SBF2: variants seen among roughly 807,000 people sequenced by gnomAD.
SBF2 encodes myotubularin-related protein 13.
SBF2 carries 112 observed loss-of-function variants against 225.2 expected under a neutral mutation model. That is an observed-to-expected ratio of 0.50 (90% CI 0.43 to 0.58). SBF2 has a LOEUF of 0.58. SBF2 is among the 20% of genes least tolerant of loss of function. The pLI, the probability that SBF2 is intolerant of heterozygous loss-of-function variation, is 0.00. For missense variants in SBF2, 1,996 were observed against 2,206.2 expected (o/e 0.90, Z 1.91); for synonymous variants, 763 against 773.3 (o/e 0.99, Z 0.22).
At position 9,842,775 on chromosome 11, in the gene SBF2, A is replaced by C; in HGVS notation, c.3111-5T>G. ...ACAATTGTTTTTGAGAAGGTACTAC[A>C]AGTCATAAAACCAAAGAGAATGTCA... On this transcript the variant is annotated splice_polypyrimidine_tract_variant and splice_region_variant and intron_variant, in intron 24 of 39. Transcript: ENST00000256190. The C allele has an allele frequency of 6.2e-7, 1 of 1,613,990 alleles. No individual in the cohort carries two copies. Among genetic ancestry groups the C allele is most frequent in the Non-Finnish European group, 8.5e-7 (1 of 1,179,912 alleles).
chr11:10,177,969 A>C (rs1339402229), intron 2 of SBF2, among the ~76,000 whole-genome samples: 1 of 148,876 alleles, frequency 6.7e-6, no homozygotes, highest in Non-Finnish European at 1.5e-5. Flanking sequence ...TAACCAAAAC[A>C]GCATGGTACT....
At chr11:10,160,529 A>G (rs1955683980) in intron 2 of SBF2, among the ~76,000 whole-genome samples, 1 of 152,242 alleles carries the variant, frequency 6.6e-6, no homozygotes, top group African/African-American at 2.4e-5. Context: ...TTACGGCAGT[A>G]CATACACCAC....
intron 17 of SBF2, among the ~76,000 whole-genome samples, chr11:9,882,608 A>G (rs1047214713): frequency 1.4e-4 from 21 of 152,152 alleles, no homozygotes; most frequent in Non-Finnish European, 2.4e-4. Flanking sequence ...GGAGATCGAG[A>G]CCATCCTGGC....
At chr11:10,019,051 A>C (rs2134587548) in intron 6 of SBF2, among the ~76,000 whole-genome samples, 1 of 152,262 alleles carries the variant, frequency 6.6e-6, no homozygotes, top group East Asian at 1.9e-4. Context: ...ATAGTTTTAA[A>C]ACGATACCTG....
chr11:9,907,444 C>T (rs1471919186), intron 16 of SBF2, among the ~76,000 whole-genome samples: 1 of 152,204 alleles, frequency 6.6e-6, no homozygotes, highest in Admixed American at 6.5e-5. Flanking sequence ...TTGGTATTTT[C>T]ATATGCATGC....
At chr11:10,125,449 T>C (rs1275748748) in intron 2 of SBF2, among the ~76,000 whole-genome samples, 1 of 152,146 alleles carries the variant, frequency 6.6e-6, no homozygotes, top group East Asian at 1.9e-4. Context: ...ATTTAAGAAT[T>C]TTCAGTTACT....
chr11:9,976,686 GCAAAA>G (rs2134416741), intron 13 of SBF2, among the ~76,000 whole-genome samples: 2 of 152,184 alleles, frequency 1.3e-5, no homozygotes, highest in South Asian at 4.1e-4. Flanking sequence ...TATTGCAGAT[GCAAAA>G]CAAATTACAA....
intron 2 of SBF2, among the ~76,000 whole-genome samples, chr11:10,083,761 A>C (rs1161373144): frequency 6.6e-6 from 1 of 152,196 alleles, no homozygotes; most frequent in Non-Finnish European, 1.5e-5. Flanking sequence ...AAGACCTGAA[A>C]CTATAAAAAA....
chr11:10,072,223 A>G (rs1218623567), intron 2 of SBF2, among the ~76,000 whole-genome samples: 1 of 152,256 alleles, frequency 6.6e-6, no homozygotes, highest in Non-Finnish European at 1.5e-5. Flanking sequence ...TATATCTTAT[A>G]TAGCCTTTAA....
intron 2 of SBF2, among the ~76,000 whole-genome samples, chr11:10,071,766 C>G (rs10840360): frequency 0.47 from 72,061 of 151,936 alleles, 17,401 homozygotes; most frequent in Admixed American, 0.57. Flanking sequence ...TGTGGTTTTT[C>G]TCACTGGGTC....
chr11:9,853,699 C>T lies in SBF2; in HGVS notation c.2377G>A (p.Val793Ile), dbSNP rs1414969138. The stretch of plus-strand genomic sequence containing the variant: ...CTCTCTGTATCATAGCTCTCAGCTA[C>T]ACTTCCTGCAATACTAAGACAGTCA... ...SIVTNSIAGS[V>I]AESYDTESGF... Residue 793 changes from valine (V) to isoleucine (I), a missense_variant, in exon 20 of 40, where the codon GTA (valine) becomes ATA (isoleucine). Transcript: ENST00000256190. 6.2e-7 allele frequency: 1 copy of T among 1,613,926 alleles called. No individual in the cohort carries two copies. The highest frequency in any genetic ancestry group is 8.5e-7 in the Non-Finnish European group (1 of 1,179,866).
chr11:9,977,964 C>T (rs753727289), intron 13 of SBF2, among the ~76,000 whole-genome samples: 17 of 152,080 alleles, frequency 1.1e-4, no homozygotes, highest in Non-Finnish European at 1.9e-4. Context: ...ATACACATAC[C>T]AGACTTCAGT....
intron 13 of SBF2, among the ~76,000 whole-genome samples, chr11:9,970,046 T>G (rs1245988240): frequency 1.3e-5 from 2 of 152,210 alleles, no homozygotes; most frequent in African/African-American, 4.8e-5. Flanking sequence ...ACACTCCAGG[T>G]AGAATGGAAT....
At chr11:10,180,107 C>A (rs1956672793) in intron 2 of SBF2, among the ~76,000 whole-genome samples, 1 of 151,926 alleles carries the variant, frequency 6.6e-6, no homozygotes, top group South Asian at 2.1e-4. Flanking sequence ...ATTGGTTCAT[C>A]TTTTAGTCTT....
intron 16 of SBF2, among the ~76,000 whole-genome samples, chr11:9,928,645 C>G: frequency 6.6e-6 from 1 of 152,300 alleles, no homozygotes; most frequent in African/African-American, 2.4e-5. Flanking sequence ...AAGACTTATG[C>G]ATGAATGTTG....
chr11:9,967,971 C>CTATATATA (rs1188261255), intron 14 of SBF2, among the ~76,000 whole-genome samples: 25 of 91,508 alleles, frequency 2.7e-4, no homozygotes, highest in African/African-American at 7.2e-4. Flanking sequence ...CTCTCTCTCT[C>CTATATATA]TATATATATA....
intron 6 of SBF2, among the ~76,000 whole-genome samples, chr11:10,010,277 T>C (rs1948386319): frequency 6.6e-6 from 1 of 152,234 alleles, no homozygotes; most frequent in Non-Finnish European, 1.5e-5. Flanking sequence ...TGGTTTTTGT[T>C]GCCATTGCTT....
In SBF2 at chr11:9,789,149, ACAT is replaced by A; in HGVS notation, c.4889_4891del (p.Asp1630del). ...GAGAGCATCAGGCTGAGTACAGCTG[ACAT>A]CATCATAGCATGGCCACACTGTTCT... On this transcript the variant is annotated inframe_deletion, in exon 35 of 40. Coordinates refer to ENST00000256190, the MANE Select transcript of SBF2 (RefSeq NM_030962.4). The A allele has an allele frequency of 6.2e-7, 1 of 1,614,152 alleles. No homozygotes were observed. Among genetic ancestry groups the A allele is most frequent in the Non-Finnish European group, 8.5e-7 (1 of 1,180,020 alleles).
intron 14 of SBF2, among the ~76,000 whole-genome samples, chr11:9,967,971 C>CTCTCTCTCTATATATATATATATA (rs1260685462): frequency 3.3e-5 from 3 of 91,510 alleles, no homozygotes; most frequent in Middle Eastern, 6.4e-3. Flanking sequence ...CTCTCTCTCT[C>CTCTCTCTCTATATATATATATATA]TATATATATA....
Sources: allele counts gnomAD v4.1 joint callset (sites outside exome capture counted in the v4.1 genomes callset), GRCh38; gene constraint gnomAD v4.1.1; transcripts MANE v1.5; gene names NCBI Gene and HGNC (gene_info 2026-07-23, HGNC 2026-07-21).